RXRA: variants seen among roughly 807,000 people sequenced by gnomAD.
The protein encoded by RXRA is retinoid X receptor alpha, also known as retinoic acid receptor RXR-alpha.
A neutral mutation model predicts 44.5 loss-of-function variants in RXRA; 5 were observed. The observed-to-expected ratio is 0.11, with a 90% CI of 0.06 to 0.24. The LOEUF (loss-of-function observed/expected upper bound fraction) is 0.24. Among genes scored for constraint, RXRA ranks in the 10% least tolerant of loss-of-function variants. The probability of loss-of-function intolerance (pLI) is 1.00; values close to 1 mark genes in which losing one functional copy is unlikely to be tolerated. For missense variants in RXRA, 412 were observed against 646.5 expected (o/e 0.64, Z 3.93); for synonymous variants, 291 against 271.4 (o/e 1.07, Z -0.71).
intron 1 of RXRA, among the ~76,000 whole-genome samples, chr9:134,352,166 G>A (rs1420062280): frequency 2.6e-5 from 4 of 152,120 alleles, no homozygotes; most frequent in Admixed American, 6.5e-5. Context: ...ATGACAGCGC[G>A]GCCCAGGAGC....
intron 1 of RXRA, among the ~76,000 whole-genome samples, chr9:134,345,556 CAT>C (rs1554748671): frequency 1.3e-5 from 2 of 152,198 alleles, no homozygotes; most frequent in African/African-American, 4.8e-5. Flanking sequence ...GCCGACATCA[CAT>C]GTCTGGCCTG....
Position 134,408,305 on chromosome 9 carries a change from G to A in RXRA, c.430+6G>A, listed in dbSNP as rs766265403. 11 of 1,596,542 alleles carry A rather than the reference G, an allele frequency of 6.9e-6. No homozygotes were observed. Among genetic ancestry groups the A allele is most frequent in the African/African-American group, 5.4e-5 (4 of 74,316 alleles). On this transcript the variant is annotated splice_donor_region_variant and intron_variant, in intron 3 of 9. Transcript: ENST00000481739. ...CTGCGGGGACCGCTCCTCAGGTACC[G>A]CTGCTGTGGGGGCCAGGGGCTGGTG...
At chr9:134,434,064 C>T (rs1229091618) in intron 8 of RXRA, 38 bp from the exon 9 acceptor site, 3 of 1,532,816 alleles carry the variant, frequency 2.0e-6, no homozygotes, top group Admixed American at 3.4e-5. Flanking sequence ...GAGACACGCC[C>T]CAGCTGAGGG....
At chr9:134,427,066 T>TC in intron 6 of RXRA, 1 of 980,284 alleles carries the variant, frequency 1.0e-6, no homozygotes, top group Non-Finnish European at 1.2e-6. Flanking sequence ...GGCAAACCCT[T>TC]CCCCTCCCTG....
intron 1 of RXRA, among the ~76,000 whole-genome samples, chr9:134,397,953 C>T (rs1830903693): frequency 6.6e-6 from 1 of 152,138 alleles, no homozygotes; most frequent in African/African-American, 2.4e-5. Flanking sequence ...ACAAGTGCCC[C>T]TGCAAGTCCA....
At chr9:134,334,157 C>T (rs369098819) in intron 1 of RXRA, among the ~76,000 whole-genome samples, 12 of 152,374 alleles carry the variant, frequency 7.9e-5, no homozygotes, top group Middle Eastern at 3.4e-3. Flanking sequence ...AGGTGCCTGG[C>T]GGATGGGAGC....
At chr9:134,428,383 A>G (rs1306674792) in intron 6 of RXRA, among the ~76,000 whole-genome samples, 7 of 75,686 alleles carry the variant, frequency 9.2e-5, no homozygotes, top group Non-Finnish European at 1.6e-4. Flanking sequence ...GGGAACCCCC[A>G]CTATGTTGAG....
At chr9:134,396,382 G>C (rs1472601394) in intron 1 of RXRA, among the ~76,000 whole-genome samples, 1 of 152,000 alleles carries the variant, frequency 6.6e-6, no homozygotes, top group Non-Finnish European at 1.5e-5. Context: ...CCCTGTCCCC[G>C]CCAGCGCTGC....
At position 134,396,181 on chromosome 9, in the gene RXRA, A is replaced by G. The variant is rs190688075; in HGVS notation, c.29-5451A>G. 4.4e-3 allele frequency among the ~76,000 whole-genome samples: 677 copies of G among 152,260 alleles called. 12 individuals are homozygous for G. Among genetic ancestry groups the G allele is most frequent in the Admixed American group, 0.033 (506 of 15,298 alleles). ...GGGAGTGGTGGGTCTTGTGGGCCCA[A>G]GGGTGAGCAGAAGCCCATTCTCACC... On this transcript the variant is annotated intron_variant, in intron 1 of 9. Transcript: ENST00000481739.
intron 4 of RXRA, among the ~76,000 whole-genome samples, chr9:134,409,455 C>G (rs1032086375): frequency 6.6e-6 from 1 of 152,242 alleles, no homozygotes; most frequent in African/African-American, 2.4e-5. Flanking sequence ...CCCGGGCCAG[C>G]TTCCTCCCGA....
chr9:134,375,910 G>A (rs1830549795), intron 1 of RXRA, among the ~76,000 whole-genome samples: 2 of 151,790 alleles, frequency 1.3e-5, no homozygotes, highest in African/African-American at 4.8e-5. Flanking sequence ...CAGAGGCCAC[G>A]TAGAGAAAAC....
At chr9:134,402,676 G>A (rs1830983781) in intron 2 of RXRA, 2 of 149,216 alleles carry the variant, frequency 1.3e-5, no homozygotes, top group South Asian at 2.1e-4. Context: ...TGTCCGGTCT[G>A]TGAGGGTGGA....
chr9:134,424,262 A>T (rs1395509976), intron 6 of RXRA: 1 of 985,252 alleles, frequency 1.0e-6, no homozygotes. Context: ...CCCTGGTGCC[A>T]TGAGTCCCCA....
intron 4 of RXRA, among the ~76,000 whole-genome samples, chr9:134,415,757 A>G (rs35225639): frequency 0.022 from 3,289 of 152,280 alleles, 65 homozygotes; most frequent in Admixed American, 0.047. Context: ...CCCCAGGTCC[A>G]TGTCTGAGCT....
Position 134,366,080 on chromosome 9 carries a change from C to T in RXRA, c.29-35552C>T, listed in dbSNP as rs537102691. On this transcript the variant is annotated intron_variant, in intron 1 of 9. Transcript: ENST00000481739. This position sits in a 1 kb window ranked among gnomAD's most constrained non-coding sequence, Gnocchi z 5.9. ...GTGGGGCTTGGCATCTTCAGCATCT[C>T]TCGTGCCTCAGTAACAACCTGGGAG... Among the ~76,000 whole-genome samples, 1 of 152,172 alleles carries T rather than the reference C, an allele frequency of 6.6e-6. No homozygotes were observed. The highest frequency in any genetic ancestry group is 2.1e-4 in the South Asian group (1 of 4,834).
chr9:134,421,732 G>A lies in RXRA; in HGVS notation c.837G>A (p.Leu279=). ...CQAADKQLFT[L]VEWAKRIPHF... ...CAGCCGACAAACAGCTTTTCACCCT[G>A]GTGGAGTGGGCCAAGCGGATCCCAC... Residue 279 remains leucine (L), a synonymous_variant, in exon 6 of 10, where the codon CTG becomes CTA. Transcript: ENST00000481739. 1 of 1,591,068 alleles carries A rather than the reference G, an allele frequency of 6.3e-7. No individual in the cohort carries two copies. Among genetic ancestry groups the A allele is most frequent in the Non-Finnish European group, 8.6e-7 (1 of 1,163,412 alleles).
Position 134,401,628 on chromosome 9 carries a change from G to A in RXRA, c.29-4G>A, listed in dbSNP as rs1257564398. On this transcript the variant is annotated splice_polypyrimidine_tract_variant and splice_region_variant and intron_variant, in intron 1 of 9. Transcript: ENST00000481739. ...CCACTCTCCTGCGGCTTCTTGTCTTGCAGATTTCTCCACCCAGGTGAACTC... is the reference window on the plus strand; with the variant it reads ...CCACTCTCCTGCGGCTTCTTGTCTTACAGATTTCTCCACCCAGGTGAACTC... 23 of 1,612,798 alleles carry A rather than the reference G, an allele frequency of 1.4e-5. No homozygotes were observed. The highest frequency in any genetic ancestry group is 1.9e-5 in the Non-Finnish European group (23 of 1,179,902).
At position 134,416,754 on chromosome 9, in the gene RXRA, C is replaced by T. The variant is rs34354088; in HGVS notation, c.611-404C>T. 6.0e-3 allele frequency among the ~76,000 whole-genome samples: 917 copies of T among 152,074 alleles called. 9 individuals are homozygous for T. Among genetic ancestry groups the T allele is most frequent in the African/African-American group, 0.021 (878 of 41,474 alleles). On this transcript the variant is annotated intron_variant, in intron 4 of 9. Transcript: ENST00000481739. ...TCTGCTTCTGGGCCTTTGCAGGGAT[C>T]GTGTCTCCAGCCTGAGCCATGATTC...
intron 1 of RXRA, among the ~76,000 whole-genome samples, chr9:134,392,230 G>A (rs73556204): frequency 0.11 from 16,469 of 152,078 alleles, 2,997 homozygotes; most frequent in African/African-American, 0.37. Context: ...TTCTTTCCAC[G>A]GGGACTCTGC....
Sources: gnomAD v4.1 joint callset for allele counts (sites outside exome capture counted in the v4.1 genomes callset) on GRCh38, gnomAD v4.1.1 for gene constraint, Gnocchi (gnomAD v3.1) non-coding constraint, MANE v1.5 for transcripts, NCBI Gene and HGNC (gene_info 2026-07-23, HGNC 2026-07-21) for gene names.